Variants in PDE7B observed in about 807,000 individuals in gnomAD.
The protein encoded by PDE7B is 3',5'-cyclic-AMP phosphodiesterase 7B.
PDE7B carries 29 observed loss-of-function variants against 56.2 expected under a neutral mutation model. That is an observed-to-expected ratio of 0.52 (90% CI 0.38 to 0.70). PDE7B has a LOEUF of 0.70. PDE7B is among the 30% of genes least tolerant of loss of function. The pLI is 0.00. For missense variants in PDE7B, 490 were observed against 565.0 expected (o/e 0.87, Z 1.35); for synonymous variants, 197 against 196.9 (o/e 1.00, Z 0.00).
At chr6:136,188,383 A>G (rs928492689) in intron 12 of PDE7B, among the ~76,000 whole-genome samples, 1 of 152,148 alleles carries the variant, frequency 6.6e-6, no homozygotes, top group African/African-American at 2.4e-5. Flanking sequence ...CCCAGAAAAG[A>G]TAATACAGAG....
At chr6:136,021,766 A>G (rs1285152564) in intron 2 of PDE7B, among the ~76,000 whole-genome samples, 2 of 151,878 alleles carry the variant, frequency 1.3e-5, no homozygotes, top group African/African-American at 2.4e-5. Flanking sequence ...TTCTGCTTCT[A>G]TTCTTGTTCC....
intron 2 of PDE7B, among the ~76,000 whole-genome samples, chr6:136,010,389 CT>C (rs1327188298): frequency 0.028 from 2,754 of 98,832 alleles, 52 homozygotes; most frequent in African/African-American, 0.078. Flanking sequence ...TTATTCCCTT[CT>C]TTTTTTTTTT....
At chr6:136,105,258 C>T (rs1030810657) in intron 2 of PDE7B, among the ~76,000 whole-genome samples, 1 of 152,132 alleles carries the variant, frequency 6.6e-6, no homozygotes, top group Admixed American at 6.6e-5. Context: ...CATGACTGTA[C>T]ATTTGGTTTA....
At chr6:136,066,819 G>T (rs1429614258) in intron 2 of PDE7B, among the ~76,000 whole-genome samples, 2 of 151,504 alleles carry the variant, frequency 1.3e-5, no homozygotes, top group Non-Finnish European at 2.9e-5. Flanking sequence ...CCTTATCAAT[G>T]ACTCCCTGAG....
intron 2 of PDE7B, among the ~76,000 whole-genome samples, chr6:136,039,590 T>C (rs538053684): frequency 6.6e-6 from 1 of 152,280 alleles, no homozygotes; most frequent in South Asian, 2.1e-4. Context: ...TAATAATCTG[T>C]AAAGAATATT....
intron 1 of PDE7B, among the ~76,000 whole-genome samples, chr6:135,899,926 ACTTC>A (rs1775970211): frequency 6.6e-6 from 1 of 152,088 alleles, no homozygotes; most frequent in African/African-American, 2.4e-5. Context: ...AATTCTAGTT[ACTTC>A]CTTATATAAC....
chr6:135,917,883 G>A lies in PDE7B; in HGVS notation c.22-29581G>A, dbSNP rs551580551. ...TGGTGATTGGAGATCTCAGCTGCAT[G>A]CCCAAGGTGTCGGTGAGCCCGCTCT... On this transcript the variant is annotated intron_variant, in intron 1 of 12. Transcript: ENST00000308191. Among the ~76,000 whole-genome samples, 4 of 152,292 alleles carry A rather than the reference G, an allele frequency of 2.6e-5. No individual in the cohort carries two copies. In the South Asian group the frequency reaches 8.3e-4, roughly 32 times the overall value.
At position 135,979,046 on chromosome 6, in the gene PDE7B, G is replaced by C. The variant is rs1259655091; in HGVS notation, c.82+31522G>C. ...GACAGCTCTTATTATTTTGAAATAT[G>C]TCTCATCAATACCTAATTTATTGAG... On this transcript the variant is annotated intron_variant, in intron 2 of 12. Coordinates refer to ENST00000308191, the MANE Select transcript of PDE7B (RefSeq NM_018945.4). Among the ~76,000 whole-genome samples the C allele has an allele frequency of 2.0e-5, 3 of 151,924 alleles. 1 individual carries two copies. Among genetic ancestry groups the C allele is most frequent in the African/African-American group, 7.3e-5 (3 of 41,216 alleles).
intron 1 of PDE7B, among the ~76,000 whole-genome samples, chr6:135,920,591 G>C (rs1392225981): frequency 6.6e-6 from 1 of 152,124 alleles, no homozygotes; most frequent in Non-Finnish European, 1.5e-5. Context: ...AAGTCTCCAT[G>C]AGTCTAACGA....
intron 1 of PDE7B, among the ~76,000 whole-genome samples, chr6:135,932,650 A>G (rs186567217): frequency 2.8e-4 from 43 of 152,292 alleles, no homozygotes; most frequent in African/African-American, 9.6e-4. Context: ...ACCCCAGGAC[A>G]ACCTGTGAGG....
chr6:135,895,530 A>C (rs556410608), intron 1 of PDE7B, among the ~76,000 whole-genome samples: 1 of 152,268 alleles, frequency 6.6e-6, no homozygotes, highest in South Asian at 2.1e-4. Flanking sequence ...ATCCCCACCA[A>C]AAAAGTCCTT....
At chr6:136,007,797 C>A (rs1384262769) in intron 2 of PDE7B, among the ~76,000 whole-genome samples, 1 of 151,184 alleles carries the variant, frequency 6.6e-6, no homozygotes, top group Non-Finnish European at 1.5e-5. Context: ...ATTTTTATTT[C>A]TGTGAGGTCA....
At chr6:135,987,932 G>A (rs1775411465) in intron 2 of PDE7B, among the ~76,000 whole-genome samples, 1 of 152,102 alleles carries the variant, frequency 6.6e-6, no homozygotes, top group Non-Finnish European at 1.5e-5. Context: ...ATGAATTTAG[G>A]TGGGGCAAAG....
chr6:136,156,084 T>A, intron 8 of PDE7B: 1 of 397,182 alleles, frequency 2.5e-6, no homozygotes, highest in Non-Finnish European at 4.9e-6. Context: ...AGCCGCTGTT[T>A]TTCTTTTCCC....
At chr6:135,938,460 A>G (rs966050355) in intron 1 of PDE7B, among the ~76,000 whole-genome samples, 5 of 152,222 alleles carry the variant, frequency 3.3e-5, no homozygotes, top group Non-Finnish European at 5.9e-5. Context: ...ACATACCACA[A>G]TTATTCCCAA....
chr6:135,984,876 T>C (rs1649677751), intron 2 of PDE7B, among the ~76,000 whole-genome samples: 1 of 152,030 alleles, frequency 6.6e-6, no homozygotes, highest in African/African-American at 2.4e-5. Context: ...GAGCTGTTGC[T>C]ACACTTTTCT....
At chr6:135,909,728 A>T (rs1036572108) in intron 1 of PDE7B, among the ~76,000 whole-genome samples, 2 of 152,148 alleles carry the variant, frequency 1.3e-5, no homozygotes, top group South Asian at 4.1e-4. Flanking sequence ...AGAATTTTTA[A>T]CTGCTTTCTG....
intron 11 of PDE7B, 60 bp from the exon 12 acceptor site, chr6:136,186,974 AAT>A (rs1313100248): frequency 1.2e-6 from 1 of 855,678 alleles, no homozygotes; most frequent in Non-Finnish European, 2.0e-6. Flanking sequence ...TAAAATTATT[AAT>A]ACTCATTTTA....
chr6:135,910,402 TG>T (rs1776191941), intron 1 of PDE7B, among the ~76,000 whole-genome samples: 1 of 152,228 alleles, frequency 6.6e-6, no homozygotes, highest in African/African-American at 2.4e-5. Flanking sequence ...GTTTGTTTTT[TG>T]TTTTGTTTTG....
Sources: allele counts gnomAD v4.1 joint callset (sites outside exome capture counted in the v4.1 genomes callset), GRCh38; gene constraint gnomAD v4.1.1; transcripts MANE v1.5; gene names NCBI Gene and HGNC (gene_info 2026-07-23, HGNC 2026-07-21).